The following DNAAF9 variants were observed in gnomAD, a reference collection of about 807,000 sequenced individuals.
DNAAF9 encodes shulin.
A neutral mutation model predicts 167.0 loss-of-function variants in DNAAF9; 90 were observed. The ratio of observed to expected loss-of-function variants is 0.54; its 90% CI spans 0.45 to 0.64. DNAAF9 has a LOEUF of 0.64. Ranked by LOEUF, DNAAF9 falls within the 30% of genes least tolerant of loss-of-function variation. DNAAF9 has a pLI of 0.00. For synonymous variants in DNAAF9, 491 were observed against 508.8 expected (o/e 0.96, Z 0.47); for missense variants, 1,315 against 1,442.2 (o/e 0.91, Z 1.43).
At chr20:3,263,710 A>C (rs2068434768) in intron 31 of DNAAF9, among the ~76,000 whole-genome samples, 1 of 152,238 alleles carries the variant, frequency 6.6e-6, no homozygotes, top group African/African-American at 2.4e-5. Context: ...GGCAATGGAA[A>C]TGTTCTAGAT....
intron 36 of DNAAF9, among the ~76,000 whole-genome samples, chr20:3,253,104 A>G (rs1036132413): frequency 6.6e-6 from 1 of 152,164 alleles, no homozygotes; most frequent in Non-Finnish European, 1.5e-5. Context: ...TAGATGGATC[A>G]CTTGAGCCCA....
intron 26 of DNAAF9, among the ~76,000 whole-genome samples, chr20:3,288,618 A>C (rs2068893951): frequency 6.6e-6 from 1 of 152,084 alleles, no homozygotes; most frequent in South Asian, 2.1e-4. Flanking sequence ...CCCATCCTAA[A>C]CTGCCGACTC....
intron 1 of DNAAF9, among the ~76,000 whole-genome samples, chr20:3,387,884 TAAAAAAAAAAAA>T (rs557861791): frequency 0.49 from 43,172 of 88,170 alleles, 8,019 homozygotes; most frequent in Middle Eastern, 0.67. Flanking sequence ...CTACAAAAAG[TAAAAAAAAAAAA>T]AAAAAAAAAA....
intron 1 of DNAAF9, among the ~76,000 whole-genome samples, chr20:3,399,529 T>A (rs2083955524): frequency 6.6e-6 from 1 of 152,028 alleles, no homozygotes; most frequent in South Asian, 2.1e-4. Flanking sequence ...CTTAGTAGAG[T>A]ACCACAACTT....
intron 29 of DNAAF9, among the ~76,000 whole-genome samples, chr20:3,278,147 G>A (rs2068703348): frequency 6.6e-6 from 1 of 152,180 alleles, no homozygotes; most frequent in Non-Finnish European, 1.5e-5. Flanking sequence ...TTGTCAGGTA[G>A]TAGGGCACTG....
chr20:3,281,789 G>T, intron 27 of DNAAF9, 23 bp from the exon 28 acceptor site: 1 of 1,600,194 alleles, frequency 6.2e-7, no homozygotes, highest in South Asian at 1.1e-5. Context: ...AAAAAGGAAT[G>T]ATTAGTTCAC....
chr20:3,297,709 A>G (rs2069106435), intron 22 of DNAAF9, among the ~76,000 whole-genome samples: 2 of 152,342 alleles, frequency 1.3e-5, no homozygotes, highest in East Asian at 3.9e-4. Context: ...CAAAGAGAAC[A>G]CTAATTCAGT....
chr20:3,256,137 G>A lies in DNAAF9; in HGVS notation c.3130C>T (p.Pro1044Ser), dbSNP rs758341025. The change falls in exon 34 of 37, where the codon CCC becomes TCC. Residue 1044 changes from proline (P) to serine (S), a missense_variant. Pro to Ser is a moderately conservative substitution (Grantham distance 74, BLOSUM62 -1). Transcript: ENST00000252032. ...CTTTTGGAGTCTGGTGGTGGTGTGG[G>A]TCCTTCCAAAACTGGCATGATGCTC... Reference protein sequence around the residue: ...SLSIMPVLEGPTPPPDSKSVS... With the variant: ...SLSIMPVLEGSTPPPDSKSVS... 2.5e-6 allele frequency: 4 copies of A among 1,614,186 alleles called. No homozygotes were observed. Among genetic ancestry groups the A allele is most frequent in the Admixed American group, 1.7e-5 (1 of 60,032 alleles).
At chr20:3,381,566 C>A in intron 2 of DNAAF9, 68 bp from the exon 3 acceptor site, 1 of 1,516,828 alleles carries the variant, frequency 6.6e-7, no homozygotes, top group Non-Finnish European at 8.9e-7. Flanking sequence ...AATAATTTGC[C>A]CCTGCTTAGC....
intron 1 of DNAAF9, among the ~76,000 whole-genome samples, chr20:3,389,439 T>A (rs1003230528): frequency 2.6e-5 from 4 of 151,884 alleles, no homozygotes; most frequent in Non-Finnish European, 5.9e-5. Context: ...TGTGAGTCAC[T>A]GCACCTGGCC....
intron 3 of DNAAF9, among the ~76,000 whole-genome samples, chr20:3,377,470 T>C (rs2083590995): frequency 6.8e-6 from 1 of 147,912 alleles, no homozygotes; most frequent in Admixed American, 6.7e-5. Context: ...TTTTCTTTCT[T>C]TTTTTTTTTT....
intron 7 of DNAAF9, among the ~76,000 whole-genome samples, chr20:3,354,274 T>C (rs1318732904): frequency 6.6e-6 from 1 of 152,258 alleles, no homozygotes; most frequent in Non-Finnish European, 1.5e-5. Context: ...TTTGTGGAAA[T>C]GGATACTGTT....
At chr20:3,311,260 C>T (rs1190954042) in intron 20 of DNAAF9, among the ~76,000 whole-genome samples, 1 of 152,146 alleles carries the variant, frequency 6.6e-6, no homozygotes, top group African/African-American at 2.4e-5. Flanking sequence ...CCAGTCTCAG[C>T]CTTCCAAGTA....
intron 6 of DNAAF9, among the ~76,000 whole-genome samples, chr20:3,363,290 T>C (rs1325664708): frequency 2.7e-5 from 4 of 148,088 alleles, no homozygotes; most frequent in African/African-American, 5.0e-5. Context: ...TTTTGTTTTG[T>C]TTTTAGTTTT....
At chr20:3,282,662 G>A (rs2068782781) in intron 27 of DNAAF9, among the ~76,000 whole-genome samples, 1 of 152,218 alleles carries the variant, frequency 6.6e-6, no homozygotes, top group Non-Finnish European at 1.5e-5. Context: ...GAGCAGCAAA[G>A]AATTTCATCT....
chr20:3,265,968 C>T (rs1600671378), intron 30 of DNAAF9, among the ~76,000 whole-genome samples: 1 of 152,332 alleles, frequency 6.6e-6, no homozygotes, highest in South Asian at 2.1e-4. Context: ...GCGTGAGTCA[C>T]TGCACCCGGC....
chr20:3,293,384 G>C (rs1292271925), intron 25 of DNAAF9, among the ~76,000 whole-genome samples: 1 of 149,610 alleles, frequency 6.7e-6, no homozygotes, highest in Non-Finnish European at 1.5e-5. Flanking sequence ...GGCAAGAGCA[G>C]ATTAAAATCC....
chr20:3,268,990 G>C (rs1044357209), intron 30 of DNAAF9, among the ~76,000 whole-genome samples: 11 of 140,192 alleles, frequency 7.8e-5, no homozygotes, highest in Non-Finnish European at 1.5e-5. Flanking sequence ...TGCAAGCTCT[G>C]CCTCCCAGGT....
chr20:3,311,199 G>A (rs932994746), intron 20 of DNAAF9, among the ~76,000 whole-genome samples: 7 of 152,132 alleles, frequency 4.6e-5, no homozygotes, highest in African/African-American at 1.7e-4. Flanking sequence ...GGAGTACAGT[G>A]GTGAGATCAT....
Sources: gnomAD v4.1 joint callset for allele counts (sites outside exome capture counted in the v4.1 genomes callset) on GRCh38, gnomAD v4.1.1 for gene constraint, MANE v1.5 for transcripts, NCBI Gene and HGNC (gene_info 2026-07-23, HGNC 2026-07-21) for gene names.